The following ABAT variants were observed in gnomAD, a reference collection of about 807,000 sequenced individuals.
ABAT encodes 4-aminobutyrate aminotransferase, mitochondrial.
A neutral mutation model predicts 64.6 loss-of-function variants in ABAT; 45 were observed. The ratio of observed to expected loss-of-function variants is 0.70; its 90% confidence interval spans 0.55 to 0.89. ABAT has a LOEUF of 0.89. Among genes scored for constraint, ABAT ranks in the 40% least tolerant of loss-of-function variants. The probability of loss-of-function intolerance (pLI) is 0.00; values close to 1 mark genes in which losing one functional copy is unlikely to be tolerated. For missense variants in ABAT, 633 were observed against 658.4 expected (o/e 0.96, Z 0.42); for synonymous variants, 297 against 250.5 (o/e 1.19, Z -1.75).
chr16:8,695,606 T>A (rs2057684874), intron 1 of ABAT, among the ~76,000 whole-genome samples: 2 of 152,214 alleles, frequency 1.3e-5, no homozygotes, highest in Non-Finnish European at 2.9e-5. Flanking sequence ...AAAGCATCAG[T>A]GATGTCTGGA....
intron 1 of ABAT, among the ~76,000 whole-genome samples, chr16:8,684,722 CAA>C (rs35012807): frequency 0.043 from 5,276 of 121,548 alleles, 268 homozygotes; most frequent in African/African-American, 0.14. Context: ...GATCCTGTCT[CAA>C]AAAAAAAAAA....
intron 9 of ABAT, among the ~76,000 whole-genome samples, chr16:8,766,499 A>G (rs2059950125): frequency 6.6e-6 from 1 of 151,970 alleles, no homozygotes; most frequent in Admixed American, 6.6e-5. Context: ...TACTAAAAAG[A>G]CAAAAATTAC....
intron 1 of ABAT, among the ~76,000 whole-genome samples, chr16:8,689,178 C>T (rs1177305403): frequency 1.3e-5 from 2 of 151,964 alleles, no homozygotes; most frequent in Non-Finnish European, 1.5e-5. Context: ...CTCCAGCATC[C>T]ACCTAGGGTT....
chr16:8,721,899 C>T (rs1032727262), intron 1 of ABAT, among the ~76,000 whole-genome samples: 2 of 152,220 alleles, frequency 1.3e-5, no homozygotes, highest in African/African-American at 4.8e-5. Flanking sequence ...CTGAAGAGCT[C>T]ACTATCTGGC....
chr16:8,728,298 G>A (rs745739383), intron 1 of ABAT, among the ~76,000 whole-genome samples: 3 of 152,134 alleles, frequency 2.0e-5, no homozygotes, highest in Admixed American at 6.6e-5. Context: ...ATGTCACCAC[G>A]GTATATTTTC....
At chr16:8,711,247 G>A (rs950016184) in intron 1 of ABAT, among the ~76,000 whole-genome samples, 3 of 152,166 alleles carry the variant, frequency 2.0e-5, no homozygotes, top group Non-Finnish European at 4.4e-5. Flanking sequence ...AATATTTCAT[G>A]ATAAAAATTC....
chr16:8,706,684 G>A (rs1324326217), intron 1 of ABAT, among the ~76,000 whole-genome samples: 2 of 152,154 alleles, frequency 1.3e-5, no homozygotes, highest in African/African-American at 2.4e-5. Flanking sequence ...CGGCACTTCA[G>A]CCTGGGAGAC....
intron 1 of ABAT, among the ~76,000 whole-genome samples, chr16:8,709,457 T>G (rs2058022177): frequency 6.6e-6 from 1 of 152,082 alleles, no homozygotes; most frequent in African/African-American, 2.4e-5. Flanking sequence ...CACTGCAACC[T>G]CCGCCTCCTG....
intron 1 of ABAT, among the ~76,000 whole-genome samples, chr16:8,717,027 C>G (rs1006519747): frequency 2.6e-5 from 4 of 152,154 alleles, no homozygotes; most frequent in African/African-American, 7.2e-5. Context: ...CGGTAGCTCG[C>G]GTCTGTAATC....
intron 11 of ABAT, among the ~76,000 whole-genome samples, chr16:8,770,485 C>G (rs2142989681): frequency 6.6e-6 from 1 of 152,136 alleles, no homozygotes; most frequent in East Asian, 1.9e-4. Context: ...GTCACCCAGG[C>G]TGGAGTGCAG....
At chr16:8,747,334 A>G (rs1211198624) in intron 3 of ABAT, among the ~76,000 whole-genome samples, 2 of 152,152 alleles carry the variant, frequency 1.3e-5, no homozygotes, top group African/African-American at 2.4e-5. Context: ...CTGTCAAAAC[A>G]TACTTCTTTT....
chr16:8,750,456 AAG>A lies in ABAT; in HGVS notation c.238_239del (p.Ser80ProfsTer7), dbSNP rs1317484052. ...GCTGTGCATTTTTTCTGCAATTACG[AAG>A]AGAGCCGAGGCAATTACCTGGTTGA... is the stretch of plus-strand genomic sequence containing the variant. On this transcript the variant is annotated frameshift_variant, in exon 5 of 16. Coordinates refer to ENST00000268251, the MANE Select transcript of ABAT (RefSeq NM_020686.6). LOFTEE classifies it high-confidence loss of function. The A allele has an allele frequency of 6.2e-7, 1 of 1,614,144 alleles. No individual in the cohort carries two copies.
intron 2 of ABAT, among the ~76,000 whole-genome samples, chr16:8,741,192 T>A (rs1362204032): frequency 6.6e-6 from 1 of 152,280 alleles, no homozygotes; most frequent in Admixed American, 6.5e-5. Context: ...TCTGGATGTG[T>A]TATTTTATTC....
At chr16:8,733,203 C>T (rs1192732984) in intron 1 of ABAT, among the ~76,000 whole-genome samples, 314 of 151,070 alleles carry the variant, frequency 2.1e-3, no homozygotes, top group Non-Finnish European at 4.1e-3. Flanking sequence ...GGGCGGCTGC[C>T]GGGTGGAGGG....
intron 1 of ABAT, among the ~76,000 whole-genome samples, chr16:8,678,720 T>C (rs1641107): frequency 0.59 from 89,212 of 152,012 alleles, 26,713 homozygotes; most frequent in East Asian, 0.83. Flanking sequence ...CTTGCAACAC[T>C]GGTATGGGAA....
intron 1 of ABAT, among the ~76,000 whole-genome samples, chr16:8,686,878 ATGAAC>A (rs2057467680): frequency 6.6e-6 from 1 of 152,224 alleles, no homozygotes; most frequent in South Asian, 2.1e-4. Flanking sequence ...AATGCTGAAT[ATGAAC>A]TGATGGTATG....
chr16:8,719,059 C>A (rs1005906867), intron 1 of ABAT, among the ~76,000 whole-genome samples: 1 of 152,152 alleles, frequency 6.6e-6, no homozygotes, highest in Non-Finnish European at 1.5e-5. Flanking sequence ...AGTGCGTTTC[C>A]TCCAATCACA....
chr16:8,777,262 CCT>C (rs1294909581), intron 14 of ABAT, among the ~76,000 whole-genome samples: 2 of 151,884 alleles, frequency 1.3e-5, no homozygotes, highest in African/African-American at 4.8e-5. Flanking sequence ...CCAAGCACTC[CCT>C]CTCTCACCCC....
intron 1 of ABAT, among the ~76,000 whole-genome samples, chr16:8,685,385 G>A (rs765877830): frequency 4.6e-5 from 7 of 151,418 alleles, no homozygotes; most frequent in South Asian, 4.2e-4. Context: ...TAAAAACAAT[G>A]TTACGCCGGG....
Sources: gnomAD v4.1 joint callset for allele counts (sites outside exome capture counted in the v4.1 genomes callset) on GRCh38, gnomAD v4.1.1 for gene constraint, MANE v1.5 for transcripts, NCBI Gene and HGNC (gene_info 2026-07-23, HGNC 2026-07-21) for gene names.